Variants in OSBPL1A observed in about 807,000 individuals in gnomAD.
The protein encoded by OSBPL1A is oxysterol-binding protein-related protein 1.
In OSBPL1A, 80 loss-of-function variants were observed where a neutral mutation model predicts 137.1. That is an observed-to-expected ratio of 0.58 (90% CI 0.49 to 0.70). The LOEUF (loss-of-function observed/expected upper bound fraction) is 0.70. Among genes scored for constraint, OSBPL1A ranks in the 30% least tolerant of loss-of-function variants. The probability of loss-of-function intolerance (pLI) is 0.00; values close to 1 mark genes in which losing one functional copy is unlikely to be tolerated. For missense variants in OSBPL1A, 970 were observed against 1,129.4 expected (o/e 0.86, Z 2.02); for synonymous variants, 365 against 389.7 (o/e 0.94, Z 0.75).
intron 15 of OSBPL1A, among the ~76,000 whole-genome samples, chr18:24,262,957 G>T (rs1337287189): frequency 2.0e-5 from 3 of 151,942 alleles, no homozygotes; most frequent in African/African-American, 7.3e-5. Flanking sequence ...GCAACTATAC[G>T]CAGTTCTTTC....
intron 14 of OSBPL1A, among the ~76,000 whole-genome samples, chr18:24,300,432 A>T (rs2090377240): frequency 6.6e-6 from 1 of 152,234 alleles, no homozygotes; most frequent in African/African-American, 2.4e-5. Context: ...TTATGATCCA[A>T]AAAGTACCTT....
chr18:24,163,481 G>A (rs1210777884), intron 27 of OSBPL1A, among the ~76,000 whole-genome samples, 200 bp from the exon 28 acceptor site: 1 of 152,190 alleles, frequency 6.6e-6, no homozygotes, highest in Non-Finnish European at 1.5e-5. Context: ...AAGGGGTAAT[G>A]ATACCATGCA....
intron 14 of OSBPL1A, among the ~76,000 whole-genome samples, chr18:24,296,032 T>C (rs1160510459): frequency 6.6e-6 from 1 of 152,208 alleles, no homozygotes; most frequent in Non-Finnish European, 1.5e-5. Context: ...TTTTTCTAGT[T>C]CTGTGAAAAA....
intron 4 of OSBPL1A, among the ~76,000 whole-genome samples, chr18:24,346,158 G>A (rs148440273): frequency 2.0e-5 from 3 of 152,202 alleles, no homozygotes; most frequent in Admixed American, 2.0e-4. Flanking sequence ...CGTGAATCAC[G>A]CTCCCAAATC....
intron 7 of OSBPL1A, among the ~76,000 whole-genome samples, chr18:24,326,104 T>G (rs1393058238): frequency 6.6e-6 from 1 of 151,972 alleles, no homozygotes; most frequent in Non-Finnish European, 1.5e-5. Flanking sequence ...ATTTTCACTC[T>G]AGAAAAAAAA....
chr18:24,293,104 C>CAA lies in OSBPL1A; in HGVS notation c.1174+10531_1174+10532dup, dbSNP rs1172730345. On this transcript the variant is annotated intron_variant, in intron 14 of 27. Coordinates refer to ENST00000319481, the MANE Select transcript of OSBPL1A (RefSeq NM_080597.4). ...AGGCGACAGAGAGGGACTCCCGTCT[C>CAA]AAAAAAAAAAAAAAAAAAAAAAAAG... Among the ~76,000 whole-genome samples the CAA allele has an allele frequency of 4.9e-3, 322 of 66,174 alleles. 2 individuals are homozygous for CAA. Among genetic ancestry groups the CAA allele is most frequent in the East Asian group, 0.014 (16 of 1,176 alleles). 43.4% of individuals were successfully genotyped at this position (66,174 alleles called of 152,430 possible). A position where few individuals can be genotyped will look rare whatever the true frequency, so the allele number is the denominator to read the frequency against.
intron 1 of OSBPL1A, among the ~76,000 whole-genome samples, chr18:24,395,856 AAG>A (rs1441427470): frequency 9.4e-4 from 141 of 150,448 alleles, no homozygotes; most frequent in Non-Finnish European, 1.4e-3. Flanking sequence ...TCCTGACCTC[AAG>A]TGATCCGCCC....
At chr18:24,224,869 C>T (rs1124121) in intron 17 of OSBPL1A, among the ~76,000 whole-genome samples, 173 bp downstream of exon 17, 4,257 of 152,304 alleles carry the variant, frequency 0.028, 178 homozygotes, top group African/African-American at 0.097. Context: ...ATAGATGATT[C>T]TCTTAAATGG....
intron 1 of OSBPL1A, among the ~76,000 whole-genome samples, chr18:24,390,435 A>G (rs533832443): frequency 2.5e-4 from 38 of 152,292 alleles, no homozygotes; most frequent in African/African-American, 9.1e-4. Context: ...GCTCATGCCT[A>G]TAATCCCAAG....
intron 11 of OSBPL1A, among the ~76,000 whole-genome samples, chr18:24,316,118 C>T (rs957156158): frequency 3.3e-5 from 5 of 151,402 alleles, no homozygotes; most frequent in African/African-American, 4.8e-5. Flanking sequence ...AAAAATTAGC[C>T]GGGCATGGCA....
intron 17 of OSBPL1A, among the ~76,000 whole-genome samples, chr18:24,198,536 G>T (rs545452639): frequency 6.6e-6 from 1 of 152,076 alleles, no homozygotes; most frequent in Non-Finnish European, 1.5e-5. Flanking sequence ...GTAAACAGCC[G>T]TTACAGAGCC....
intron 4 of OSBPL1A, among the ~76,000 whole-genome samples, chr18:24,355,748 G>T (rs2146178171): frequency 6.6e-6 from 1 of 152,106 alleles, no homozygotes; most frequent in South Asian, 2.1e-4. Flanking sequence ...ACTTTGGAAG[G>T]CCAAGGCAGG....
chr18:24,200,722 C>T (rs1046060738), intron 17 of OSBPL1A, among the ~76,000 whole-genome samples: 3 of 152,012 alleles, frequency 2.0e-5, no homozygotes, highest in East Asian at 1.9e-4. Context: ...TCAAGAATAG[C>T]GTGGGGAACA....
intron 20 of OSBPL1A, 129 bp downstream of exon 20, chr18:24,179,609 C>A: frequency 2.8e-6 from 2 of 723,788 alleles, no homozygotes; most frequent in South Asian, 1.9e-5. Flanking sequence ...AATAGCTATC[C>A]TAGAAACAAA....
intron 7 of OSBPL1A, among the ~76,000 whole-genome samples, chr18:24,322,642 G>A (rs1568027065): frequency 6.6e-6 from 1 of 152,084 alleles, no homozygotes; most frequent in African/African-American, 2.4e-5. Flanking sequence ...AGGGCACTTT[G>A]GAGAAATTAT....
chr18:24,221,028 G>A (rs764810842), intron 17 of OSBPL1A, among the ~76,000 whole-genome samples: 12 of 152,012 alleles, frequency 7.9e-5, no homozygotes, highest in South Asian at 2.1e-4. Flanking sequence ...TGATCCACCC[G>A]CCTCAGCCTC....
chr18:24,322,106 C>CTTTTT (rs71266986), intron 7 of OSBPL1A, among the ~76,000 whole-genome samples: 5 of 122,796 alleles, frequency 4.1e-5, no homozygotes, highest in South Asian at 2.8e-4. Context: ...AAATATGTGA[C>CTTTTT]TTTTTTTTTT....
At chr18:24,172,515 G>A in intron 21 of OSBPL1A, 32 bp from the exon 22 acceptor site, 1 of 1,466,152 alleles carries the variant, frequency 6.8e-7, no homozygotes, top group Non-Finnish European at 9.5e-7. Context: ...AGAAGCATAA[G>A]TGAGAGGTAT....
At position 24,175,106 on chromosome 18, in the gene OSBPL1A, A is replaced by ATATATATATATATG. The variant is rs1567919936; in HGVS notation, c.2094-2624_2094-2623insCATATATATATATA. 8.5e-5 allele frequency among the ~76,000 whole-genome samples: 2 copies of ATATATATATATATG among 23,488 alleles called. 1 individual carries two copies. The highest frequency in any genetic ancestry group is 2.1e-4 in the African/African-American group (2 of 9,632). The allele number at this position is 23,488 out of a possible 152,430, so 15.4% of individuals were successfully genotyped here. ...CTTCATGTGCTTATTTGCCATGTGTATGTATATATATATATATATATATAT... is the reference window on the plus strand; with the variant it reads ...CTTCATGTGCTTATTTGCCATGTGTATATATATATATATGTGTATATATATATATATATATATAT... On this transcript the variant is annotated intron_variant, in intron 21 of 27. Coordinates refer to ENST00000319481, the MANE Select transcript of OSBPL1A (RefSeq NM_080597.4).
Sources: allele counts gnomAD v4.1 joint callset (sites outside exome capture counted in the v4.1 genomes callset), GRCh38; gene constraint gnomAD v4.1.1; transcripts MANE v1.5; gene names NCBI Gene and HGNC (gene_info 2026-07-23, HGNC 2026-07-21).